Variants in KIF6 observed in about 807,000 individuals in gnomAD.
The protein encoded by KIF6 is kinesin family member 6, also known as kinesin-like protein KIF6.
A neutral mutation model predicts 112.7 loss-of-function variants in KIF6; 106 were observed. The observed-to-expected ratio is 0.94, with a 90% CI of 0.80 to 1.11. The LOEUF is 1.11. Among genes scored for constraint, KIF6 ranks in the 50% least tolerant of loss-of-function variants. KIF6 has a pLI of 0.00. For missense variants in KIF6, 929 were observed against 964.0 expected, an observed-to-expected ratio of 0.96 and a Z score of 0.48; for synonymous variants, 339 against 339.9, an observed-to-expected ratio of 1.00 and a Z score of 0.03.
At chr6:39,420,220 T>C (rs1283073001) in intron 14 of KIF6, among the ~76,000 whole-genome samples, 1 of 152,214 alleles carries the variant, frequency 6.6e-6, no homozygotes, top group African/African-American at 2.4e-5. Flanking sequence ...CAGCACAGAA[T>C]TTGTATTCTC....
Position 39,330,673 on chromosome 6 carries a change from C to A in KIF6, c.*5859G>T, listed in dbSNP as rs1261891028. ...GAGTTCCCTCTCAGTGTGGGTGAAA[C>A]TGGCTCAGCCCTGCTGGCTGGCACG... is the stretch of plus-strand genomic sequence containing the variant. On this transcript the variant is annotated 3_prime_UTR_variant, in exon 23 of 23. Coordinates refer to ENST00000287152, the MANE Select transcript of KIF6 (RefSeq NM_145027.6). 2 of 152,204 alleles carry A rather than the reference C, an allele frequency of 1.3e-5. No individual in the cohort carries two copies. The highest frequency in any genetic ancestry group is 4.8e-5 in the African/African-American group (2 of 41,454). The allele number at this position is 152,204 out of a possible 1,614,324, so 9.4% of individuals were successfully genotyped here. A position where few individuals can be genotyped will look rare whatever the true frequency, so the allele number is the denominator to read the frequency against.
chr6:39,509,316 G>A (rs1284465635), intron 13 of KIF6, among the ~76,000 whole-genome samples: 3 of 152,152 alleles, frequency 2.0e-5, no homozygotes, highest in African/African-American at 2.4e-5. Flanking sequence ...ACCAGAACAT[G>A]TCTTCTCCTC....
chr6:39,576,498 T>C (rs1445790005), intron 10 of KIF6, among the ~76,000 whole-genome samples: 1 of 152,142 alleles, frequency 6.6e-6, no homozygotes, highest in African/African-American at 2.4e-5. Flanking sequence ...ATTCCTAGAC[T>C]TTTTTAGCAA....
At chr6:39,697,954 T>G (rs372759983) in intron 3 of KIF6, among the ~76,000 whole-genome samples, 1 of 152,198 alleles carries the variant, frequency 6.6e-6, no homozygotes, top group African/African-American at 2.4e-5. Flanking sequence ...TATCTTAATA[T>G]CTCCTTAGCA....
At chr6:39,702,788 T>G (rs558134023) in intron 3 of KIF6, among the ~76,000 whole-genome samples, 3 of 152,210 alleles carry the variant, frequency 2.0e-5, no homozygotes, top group Non-Finnish European at 4.4e-5. Context: ...CAGTAAATAT[T>G]AGCAGAATGA....
chr6:39,518,515 C>T (rs759201460), intron 13 of KIF6, among the ~76,000 whole-genome samples: 2 of 152,074 alleles, frequency 1.3e-5, no homozygotes, highest in Non-Finnish European at 2.9e-5. Context: ...ATGAGGAAAA[C>T]GATTGAGCAA....
intron 6 of KIF6, 78 bp downstream of exon 6, chr6:39,613,111 C>CT (rs144405585): frequency 0.11 from 116,946 of 1,047,394 alleles, 2,213 homozygotes; most frequent in Middle Eastern, 0.15. Context: ...TCTATTATAT[C>CT]TTTTTTTTTT....
intron 13 of KIF6, among the ~76,000 whole-genome samples, chr6:39,448,799 C>T (rs1772500667): frequency 6.6e-6 from 1 of 152,308 alleles, no homozygotes; most frequent in Admixed American, 6.5e-5. Context: ...CAAAGTGGGA[C>T]ATCTGACAGG....
At chr6:39,530,249 T>C (rs79278144) in intron 13 of KIF6, among the ~76,000 whole-genome samples, 3,235 of 152,310 alleles carry the variant, frequency 0.021, 124 homozygotes, top group African/African-American at 0.073. Context: ...CATTTCACCT[T>C]TTAAAATGCC....
At chr6:39,482,742 T>A (rs1216113768) in intron 13 of KIF6, among the ~76,000 whole-genome samples, 2 of 152,232 alleles carry the variant, frequency 1.3e-5, no homozygotes, top group African/African-American at 4.8e-5. Flanking sequence ...AAGGGCTGTT[T>A]GGAGTCTCAC....
chr6:39,709,754 C>G (rs1250201571), intron 3 of KIF6, among the ~76,000 whole-genome samples: 1 of 152,080 alleles, frequency 6.6e-6, no homozygotes, highest in Non-Finnish European at 1.5e-5. Context: ...CTTTAAAGGG[C>G]TAGTTTAAAG....
chr6:39,512,647 T>C (rs1776847509), intron 13 of KIF6, among the ~76,000 whole-genome samples: 1 of 152,174 alleles, frequency 6.6e-6, no homozygotes, highest in Non-Finnish European at 1.5e-5. Context: ...CCCAGTTTCT[T>C]TGCTAATTGC....
intron 3 of KIF6, among the ~76,000 whole-genome samples, chr6:39,684,572 C>T (rs1006802185): frequency 2.7e-5 from 4 of 150,834 alleles, no homozygotes; most frequent in Admixed American, 6.6e-5. Flanking sequence ...GCCGAGATCA[C>T]GCCATTGCAC....
At chr6:39,395,053 G>T (rs1193924663) in intron 15 of KIF6, among the ~76,000 whole-genome samples, 1 of 152,158 alleles carries the variant, frequency 6.6e-6, no homozygotes, top group Admixed American at 6.5e-5. Context: ...TTATCATTAT[G>T]ACGGTACATG....
chr6:39,369,444 G>A (rs1157019787), intron 16 of KIF6, among the ~76,000 whole-genome samples: 2 of 152,200 alleles, frequency 1.3e-5, no homozygotes, highest in Admixed American at 6.5e-5. Context: ...TCTGTGAGAA[G>A]ATAAATGGCT....
At chr6:39,494,987 C>T (rs1442160337) in intron 13 of KIF6, among the ~76,000 whole-genome samples, 6 of 152,090 alleles carry the variant, frequency 3.9e-5, no homozygotes, top group Admixed American at 3.9e-4. Flanking sequence ...CAGAACTGCC[C>T]AATTTATTTA....
At chr6:39,644,780 A>C (rs1454954110) in intron 3 of KIF6, among the ~76,000 whole-genome samples, 1 of 152,152 alleles carries the variant, frequency 6.6e-6, no homozygotes, top group Non-Finnish European at 1.5e-5. Context: ...AAAACAACTA[A>C]ATTGCATGCT....
chr6:39,410,687 A>G (rs1455148211), intron 15 of KIF6, among the ~76,000 whole-genome samples: 3 of 152,206 alleles, frequency 2.0e-5, no homozygotes, highest in Non-Finnish European at 4.4e-5. Context: ...CACTATTACT[A>G]CTGGTAAAAC....
chr6:39,702,488 T>C (rs1788930569), intron 3 of KIF6, among the ~76,000 whole-genome samples: 1 of 152,218 alleles, frequency 6.6e-6, no homozygotes, highest in Non-Finnish European at 1.5e-5. Flanking sequence ...GGACTGTAAG[T>C]ATGGCAATGA....
Sources: allele counts gnomAD v4.1 joint callset (sites outside exome capture counted in the v4.1 genomes callset), GRCh38; gene constraint gnomAD v4.1.1; transcripts MANE v1.5; gene names NCBI Gene and HGNC (gene_info 2026-07-23, HGNC 2026-07-21).